FAM219A: variants seen among roughly 807,000 people sequenced by gnomAD.
The protein encoded by FAM219A is family with sequence similarity 219 member A, also known as protein FAM219A.
In FAM219A, 7 loss-of-function variants were observed where a neutral mutation model predicts 23.4. The observed-to-expected ratio is 0.30, with a 90% CI of 0.17 to 0.56. The LOEUF (loss-of-function observed/expected upper bound fraction) is 0.56, where lower values mean the gene tolerates loss of function less well. FAM219A is among the 20% of genes least tolerant of loss of function. The probability of loss-of-function intolerance (pLI) is 0.92; values close to 1 mark genes in which losing one functional copy is unlikely to be tolerated. For missense variants in FAM219A, 166 were observed against 246.9 expected, an observed-to-expected ratio of 0.67 and a Z score of 2.20; for synonymous variants, 93 against 99.0, an observed-to-expected ratio of 0.94 and a Z score of 0.36.
At chr9:34,421,005 T>TGAGA (rs1413300702) in intron 1 of FAM219A, among the ~76,000 whole-genome samples, 21 of 41,514 alleles carry the variant, frequency 5.1e-4, no homozygotes, top group South Asian at 3.3e-3. Context: ...TGTGTGTGTG[T>TGAGA]GTGTGAGAGA....
intron 1 of FAM219A, among the ~76,000 whole-genome samples, chr9:34,418,148 A>C (rs1822103009): frequency 6.6e-6 from 1 of 152,060 alleles, no homozygotes; most frequent in Admixed American, 6.6e-5. Context: ...ATAGCTACTC[A>C]GGAACAGGGA....
intron 1 of FAM219A, among the ~76,000 whole-genome samples, chr9:34,409,868 A>G (rs1333160884): frequency 2.6e-5 from 4 of 152,204 alleles, no homozygotes; most frequent in East Asian, 1.9e-4. Flanking sequence ...AAAAGGTTCT[A>G]TTTTTTAAAA....
rs574463646 is a variant in FAM219A, at chr9:34,414,648, C to T, written c.61-8684G>A. ...CTGGAAGAGAATCAGGGAAACATAA[C>T]GGAGAGGATCTCTCCAAGTGTTATT... On this transcript the variant is annotated intron_variant, in intron 1 of 5. Transcript: ENST00000651358. 1.4e-4 allele frequency among the ~76,000 whole-genome samples: 22 copies of T among 152,316 alleles called. 1 individual carries two copies. Among genetic ancestry groups the T allele is most frequent in the South Asian group, 2.1e-4 (1 of 4,822 alleles).
At chr9:34,442,963 CATTAA>C (rs1823234389) in intron 1 of FAM219A, among the ~76,000 whole-genome samples, 1 of 151,968 alleles carries the variant, frequency 6.6e-6, no homozygotes. Flanking sequence ...AATATTCAAA[CATTAA>C]ATTAAATCGA....
At chr9:34,454,413 G>A (rs1318337752) in intron 1 of FAM219A, among the ~76,000 whole-genome samples, 2 of 152,210 alleles carry the variant, frequency 1.3e-5, no homozygotes, top group Non-Finnish European at 2.9e-5. Context: ...TCCAGCCTGG[G>A]CAACAGAGCG....
intron 1 of FAM219A, among the ~76,000 whole-genome samples, chr9:34,450,181 C>A (rs760231104): frequency 6.6e-6 from 1 of 151,730 alleles, no homozygotes; most frequent in Non-Finnish European, 1.5e-5. Context: ...GGTATGGTGG[C>A]GCGTGAATGT....
chr9:34,434,807 G>C (rs1822841845), intron 1 of FAM219A, among the ~76,000 whole-genome samples: 1 of 147,370 alleles, frequency 6.8e-6, no homozygotes, highest in African/African-American at 2.6e-5. Flanking sequence ...GCTCAATGTT[G>C]ATGGTTTTCT....
Position 34,417,269 on chromosome 9 carries a change from A to G in FAM219A, c.61-11305T>C, listed in dbSNP as rs1191968044. Among the ~76,000 whole-genome samples the G allele has an allele frequency of 6.6e-6, 1 of 151,696 alleles. No homozygotes were observed. The highest frequency in any genetic ancestry group is 1.5e-5 in the Non-Finnish European group (1 of 67,908). ...GCCATGTTGGCCAAGCTGGTCTCGA[A>G]CTCCTGGCCTCAAGTGATCCTCCTG... On this transcript the variant is annotated intron_variant, in intron 1 of 5. Transcript: ENST00000651358. The surrounding 1 kb of genome is among the most constrained non-coding windows in gnomAD (Gnocchi z 4.1).
chr9:34,410,052 C>G (rs544182891), intron 1 of FAM219A, among the ~76,000 whole-genome samples: 30 of 152,208 alleles, frequency 2.0e-4, no homozygotes, highest in Admixed American at 5.9e-4. Context: ...AGTGTCTTAC[C>G]CAAAGTCAGT....
chr9:34,436,321 G>A (rs1822917327), intron 1 of FAM219A, among the ~76,000 whole-genome samples: 1 of 151,862 alleles, frequency 6.6e-6, no homozygotes, highest in Non-Finnish European at 1.5e-5. Flanking sequence ...ACAGCTCACT[G>A]CAGCCTTGAC....
chr9:34,439,904 T>G (rs1588066686), intron 1 of FAM219A, among the ~76,000 whole-genome samples: 1 of 152,194 alleles, frequency 6.6e-6, no homozygotes, highest in African/African-American at 2.4e-5. Context: ...TCCTGCTACT[T>G]GATGACACTT....
intron 1 of FAM219A, among the ~76,000 whole-genome samples, chr9:34,422,215 T>G (rs72733198): frequency 0.11 from 17,073 of 152,184 alleles, 1,115 homozygotes; most frequent in Non-Finnish European, 0.14. Flanking sequence ...ATCCAGTCAT[T>G]TAGTTAATGT....
rs898188328 is a variant in FAM219A at position 34,407,014 on chromosome 9, G to A, written c.61-1050C>T. Among the ~76,000 whole-genome samples the A allele has an allele frequency of 2.6e-5, 4 of 151,974 alleles. No homozygotes were observed. The South Asian group carries it at 6.2e-4, about 24-fold the overall frequency. On this transcript the variant is annotated intron_variant, in intron 1 of 5. Transcript: ENST00000651358. ...GACGGGGTTTCACCATATTGGCCAG[G>A]CTGGTCTCGAACTCCTGACCTCATG... is the stretch of plus-strand genomic sequence containing the variant.
intron 1 of FAM219A, among the ~76,000 whole-genome samples, chr9:34,439,967 C>T (rs941174105): frequency 1.3e-5 from 2 of 152,132 alleles, no homozygotes; most frequent in Admixed American, 6.5e-5. Flanking sequence ...TCACACAGTC[C>T]CTTCTGTGAC....
intron 1 of FAM219A, among the ~76,000 whole-genome samples, chr9:34,420,311 G>A (rs1000052392): frequency 6.6e-6 from 1 of 152,194 alleles, no homozygotes; most frequent in Non-Finnish European, 1.5e-5. Context: ...AGAGGAGAGC[G>A]ATAATGGTAG....
chr9:34,422,165 T>C (rs1822307535), intron 1 of FAM219A, among the ~76,000 whole-genome samples: 1 of 152,168 alleles, frequency 6.6e-6, no homozygotes, highest in Non-Finnish European at 1.5e-5. Flanking sequence ...CAGGGAGTTG[T>C]TCGGAACAAT....
chr9:34,399,032 T>C lies in FAM219A; in HGVS notation c.*1932A>G, dbSNP rs1028642178. On this transcript the variant is annotated 3_prime_UTR_variant, in exon 6 of 6. Transcript: ENST00000651358. ...TTCCTGGGTATGATGCAGGGAGAGG[T>C]ACCACCCTTCCTAAGCCAACAGTCT... The C allele has an allele frequency of 6.6e-6, 1 of 152,308 alleles. No homozygotes were observed. Among genetic ancestry groups the C allele is most frequent in the Non-Finnish European group, 1.5e-5 (1 of 68,230 alleles). 9.4% of individuals were successfully genotyped at this position (152,308 alleles called of 1,614,324 possible).
At chr9:34,414,357 C>T (rs1377484201) in intron 1 of FAM219A, among the ~76,000 whole-genome samples, 1 of 152,154 alleles carries the variant, frequency 6.6e-6, no homozygotes, top group African/African-American at 2.4e-5. Flanking sequence ...TCCCTTTCTC[C>T]AAGTTTTCTC....
At chr9:34,424,292 G>A (rs1486235560) in intron 1 of FAM219A, among the ~76,000 whole-genome samples, 1 of 152,144 alleles carries the variant, frequency 6.6e-6, no homozygotes, top group Non-Finnish European at 1.5e-5. Context: ...TCTCAGGCTT[G>A]CTGATATTTC....
Sources: gnomAD v4.1 joint callset for allele counts (sites outside exome capture counted in the v4.1 genomes callset) on GRCh38, gnomAD v4.1.1 for gene constraint, Gnocchi (gnomAD v3.1) non-coding constraint, MANE v1.5 for transcripts, NCBI Gene and HGNC (gene_info 2026-07-23, HGNC 2026-07-21) for gene names.